PSEN2: variants seen among roughly 807,000 people sequenced by gnomAD.
PSEN2 encodes presenilin-2.
PSEN2 carries 32 observed loss-of-function variants against 49.1 expected under a neutral mutation model. That is an observed-to-expected ratio of 0.65 (90% CI 0.49 to 0.88). The LOEUF (loss-of-function observed/expected upper bound fraction) is 0.88. PSEN2 is among the 40% of genes least tolerant of loss of function. The pLI is 0.00. For synonymous variants in PSEN2, 255 were observed against 244.0 expected (o/e 1.05, Z -0.42); for missense variants, 522 against 586.9 (o/e 0.89, Z 1.14).
chr1:226,881,728 C>G (rs1304249526), intron 3 of PSEN2, among the ~76,000 whole-genome samples, 160 bp from the exon 4 acceptor site: 2 of 152,226 alleles, frequency 1.3e-5, no homozygotes, highest in Non-Finnish European at 2.9e-5. Context: ...CTCAAGGCCT[C>G]TTGTTTTATG....
intron 12 of PSEN2, among the ~76,000 whole-genome samples, chr1:226,903,144 T>G (rs1190301598): frequency 1.3e-5 from 2 of 152,176 alleles, no homozygotes; most frequent in African/African-American, 4.8e-5. Context: ...CAGCATGACT[T>G]ACTCTAACAA....
At chr1:226,896,613 A>G (rs902269300), downstream of PSEN2, among the ~76,000 whole-genome samples, 6 of 152,092 alleles carry the variant, frequency 3.9e-5, no homozygotes, top group Non-Finnish European at 8.8e-5. Context: ...TGTAATCCCA[A>G]TACTTCGGGA....
chr1:226,879,294 T>C (rs760737690), intron 3 of PSEN2, among the ~76,000 whole-genome samples: 16 of 152,210 alleles, frequency 1.1e-4, no homozygotes, highest in Non-Finnish European at 1.8e-4. Flanking sequence ...GTGCTCTATT[T>C]GTATGGATTT....
At chr1:226,879,551 A>G (rs1361962432) in intron 3 of PSEN2, among the ~76,000 whole-genome samples, 6 of 152,202 alleles carry the variant, frequency 3.9e-5, no homozygotes, top group Non-Finnish European at 8.8e-5. Flanking sequence ...CTTGAGCCAC[A>G]TCCAATTGCT....
At chr1:226,890,432 C>T in intron 9 of PSEN2, 1 of 396,200 alleles carries the variant, frequency 2.5e-6, no homozygotes, top group East Asian at 5.8e-5. Context: ...CACCCCTCAG[C>T]TCTCCAGGCT....
Position 226,885,662 on chromosome 1 carries a change from A to G in PSEN2, c.481A>G (p.Lys161Glu). Residue 161 changes from lysine to glutamate, a missense_variant, in exon 6 of 13, where the codon AAG becomes GAG. By Grantham distance (56) the Lys-to-Glu change is moderately conservative. Transcript: ENST00000366783. ...VMTIFLVVLY[K>E]YRCYKFIHGW... ...GACCATCTTCTTGGTGGTGCTCTAC[A>G]AGTACCGCTGCTACAAGGTGAGGCC... is the stretch of plus-strand genomic sequence containing the variant. The G allele has an allele frequency of 1.2e-6, 2 of 1,609,138 alleles. No individual in the cohort carries two copies. The highest frequency in any genetic ancestry group is 1.7e-6 in the Non-Finnish European group (2 of 1,179,944).
intron 3 of PSEN2, among the ~76,000 whole-genome samples, chr1:226,878,996 A>G (rs1049383587): frequency 2.6e-5 from 4 of 152,180 alleles, no homozygotes; most frequent in African/African-American, 9.7e-5. Context: ...AGGCTGAGCC[A>G]GAGGAGGACC....
chr1:226,889,750 A>T (rs1661613016), intron 8 of PSEN2, among the ~76,000 whole-genome samples: 1 of 152,176 alleles, frequency 6.6e-6, no homozygotes, highest in African/African-American at 2.4e-5. Context: ...TGTTACTTCC[A>T]TTTTAAGGTT....
At chr1:226,880,762 C>A (rs1187337305) in intron 3 of PSEN2, 2 of 1,612,130 alleles carry the variant, frequency 1.2e-6, no homozygotes, top group South Asian at 1.1e-5. Flanking sequence ...CTGTGTGAAA[C>A]CCCACTTGGC....
intron 3 of PSEN2, among the ~76,000 whole-genome samples, chr1:226,879,274 A>G (rs1660827302): frequency 6.6e-6 from 1 of 152,080 alleles, no homozygotes; most frequent in Non-Finnish European, 1.5e-5. Flanking sequence ...TCTTTGGGGG[A>G]TGTGAAGCTG....
chr1:226,877,337 T>G (rs1297102452), intron 3 of PSEN2, among the ~76,000 whole-genome samples: 1 of 152,172 alleles, frequency 6.6e-6, no homozygotes, highest in African/African-American at 2.4e-5. Context: ...AGGGTAACCT[T>G]GAGCTAATTA....
chr1:226,895,346 C>A, intron 12 of PSEN2, 78 bp from the exon 13 acceptor site: 6 of 1,555,004 alleles, frequency 3.9e-6, no homozygotes, highest in Non-Finnish European at 5.3e-6. Flanking sequence ...GCTCCTGTGC[C>A]CAGGGACTAG....
intron 10 of PSEN2, 71 bp from the exon 11 acceptor site, chr1:226,891,672 G>T (rs757236307): frequency 7.4e-7 from 1 of 1,343,596 alleles, no homozygotes; most frequent in African/African-American, 1.4e-5. Context: ...ACTCTGACCA[G>T]CTGTTGTTTC....
At chr1:226,884,338 C>T (rs1571952561) in intron 5 of PSEN2, among the ~76,000 whole-genome samples, 1 of 152,212 alleles carries the variant, frequency 6.6e-6, no homozygotes, top group Non-Finnish European at 1.5e-5. Context: ...CTCTGAGTCT[C>T]TGCTTCCCTG....
intron 11 of PSEN2, 64 bp from the exon 12 acceptor site, chr1:226,893,943 T>G: frequency 1.4e-6 from 2 of 1,419,194 alleles, no homozygotes; most frequent in Non-Finnish European, 2.0e-6. Flanking sequence ...TGGGCCAGAG[T>G]TTCTCTTCTT....
downstream of PSEN2, among the ~76,000 whole-genome samples, chr1:226,896,526 T>C (rs1313163390): frequency 6.6e-6 from 1 of 152,170 alleles, no homozygotes; most frequent in African/African-American, 2.4e-5. Context: ...AGTTTGGCTT[T>C]GCCTTCTCTG....
intron 11 of PSEN2, 51 bp from the exon 12 acceptor site, chr1:226,893,956 T>G: frequency 6.7e-7 from 1 of 1,494,672 alleles, no homozygotes; most frequent in Non-Finnish European, 9.3e-7. Context: ...CTCTTCTTTT[T>G]CCATTCTGTG....
intron 4 of PSEN2, among the ~76,000 whole-genome samples, chr1:226,882,406 A>AT (rs1180534203): frequency 2.6e-5 from 4 of 152,180 alleles, no homozygotes; most frequent in Admixed American, 2.6e-4. Flanking sequence ...CAGGGGAAGC[A>AT]TTTTTTGGCA....
chr1:226,882,128 T>C (rs1661042930), intron 4 of PSEN2, 80 bp downstream of exon 4: 9 of 1,556,946 alleles, frequency 5.8e-6, no homozygotes, highest in Non-Finnish European at 7.9e-6. Context: ...CAGACATTCA[T>C]TCCCTGATGC....
Sources: gnomAD v4.1 joint callset for allele counts (sites outside exome capture counted in the v4.1 genomes callset) on GRCh38, gnomAD v4.1.1 for gene constraint, MANE v1.5 for transcripts, NCBI Gene and HGNC (gene_info 2026-07-23, HGNC 2026-07-21) for gene names.